The following ANO3 variants were observed in gnomAD, a reference collection of about 807,000 sequenced individuals.
ANO3 encodes the protein anoctamin 3.
ANO3 carries 99 observed loss-of-function variants against 144.8 expected under a neutral mutation model. The observed-to-expected ratio is 0.68, with a 90% confidence interval of 0.58 to 0.81. ANO3 has a LOEUF of 0.81. ANO3 is among the 30% of genes least tolerant of loss of function. The pLI, the probability that ANO3 is intolerant of heterozygous loss-of-function variation, is 0.00. For synonymous variants in ANO3, 414 were observed against 392.6 expected (o/e 1.05, Z -0.64); for missense variants, 905 against 1,202.2 (o/e 0.75, Z 3.66).
chr11:26,587,772 C>T lies in ANO3; in HGVS notation c.1448-10593C>T, dbSNP rs140081310. On this transcript the variant is annotated intron_variant, in intron 14 of 26. Transcript: ENST00000256737. ...AGGAGTTCAAAACCAGACTGGACAA[C>T]TTGGTGAAACCCTGTCTCAACTAAA... 6.6e-5 allele frequency among the ~76,000 whole-genome samples: 10 copies of T among 152,126 alleles called. No homozygotes were observed. In the East Asian group the frequency reaches 1.7e-3, roughly 27 times the overall value.
intron 3 of ANO3, among the ~76,000 whole-genome samples, chr11:26,451,500 G>A (rs890919314): frequency 5.9e-5 from 9 of 152,180 alleles, no homozygotes; most frequent in African/African-American, 2.2e-4. Flanking sequence ...AGCAGTCTGA[G>A]ATCAAACTGC....
chr11:26,272,980 C>T (rs1853475709), intron 1 of ANO3, among the ~76,000 whole-genome samples: 1 of 152,048 alleles, frequency 6.6e-6, no homozygotes, highest in African/African-American at 2.4e-5. Context: ...TATCAAGCAC[C>T]TTGGAAGCAT....
chr11:26,196,808 CAGAATA>C (rs1376322013), intron 1 of ANO3, among the ~76,000 whole-genome samples: 2 of 152,100 alleles, frequency 1.3e-5, no homozygotes, highest in Admixed American at 6.6e-5. Context: ...AAAAGGTGAG[CAGAATA>C]AGAATTAGTG....
intron 1 of ANO3, among the ~76,000 whole-genome samples, chr11:26,233,778 T>A (rs1852454118): frequency 6.6e-6 from 1 of 152,202 alleles, no homozygotes; most frequent in South Asian, 2.1e-4. Flanking sequence ...AAGAATGAGT[T>A]CATGTCCTTT....
At chr11:26,587,249 C>T (rs909611953) in intron 14 of ANO3, among the ~76,000 whole-genome samples, 1 of 152,120 alleles carries the variant, frequency 6.6e-6, no homozygotes, top group African/African-American at 2.4e-5. Context: ...TTTATTTCAT[C>T]ATGTATGATT....
At chr11:26,541,410 G>C (rs425702) in intron 10 of ANO3, among the ~76,000 whole-genome samples, 1 of 151,984 alleles carries the variant, frequency 6.6e-6, no homozygotes, top group Non-Finnish European at 1.5e-5. Flanking sequence ...AAACTTGCAC[G>C]TTCTGCACAT....
chr11:26,339,155 T>TC (rs1352765130), intron 1 of ANO3, among the ~76,000 whole-genome samples: 1 of 151,816 alleles, frequency 6.6e-6, no homozygotes, highest in African/African-American at 2.4e-5. Context: ...AAGTCCACTT[T>TC]TTTTTTTTTT....
intron 1 of ANO3, among the ~76,000 whole-genome samples, chr11:26,433,506 A>G (rs543435016): frequency 1.1e-4 from 17 of 152,242 alleles, no homozygotes; most frequent in African/African-American, 3.9e-4. Flanking sequence ...GCTTTTGCCA[A>G]TTCAGTATGG....
chr11:26,522,855 CAG>C (rs1188557568), intron 6 of ANO3, among the ~76,000 whole-genome samples: 1 of 151,554 alleles, frequency 6.6e-6, no homozygotes, highest in Non-Finnish European at 1.5e-5. Flanking sequence ...TTTATAAAGA[CAG>C]AGGGAAATCT....
intron 4 of ANO3, among the ~76,000 whole-genome samples, chr11:26,479,469 C>G (rs908505763): frequency 6.6e-6 from 1 of 152,064 alleles, no homozygotes; most frequent in African/African-American, 2.4e-5. Context: ...GCCTCATAAT[C>G]ACGGAAGGCA....
intron 1 of ANO3, among the ~76,000 whole-genome samples, chr11:26,290,800 T>C (rs985213490): frequency 2.0e-5 from 3 of 152,220 alleles, no homozygotes; most frequent in East Asian, 1.9e-4. Context: ...TCTGTTCTTT[T>C]ACATTTGGTG....
At chr11:26,440,764 A>C (rs1590360962) in intron 1 of ANO3, among the ~76,000 whole-genome samples, 3 of 152,170 alleles carry the variant, frequency 2.0e-5, no homozygotes, top group African/African-American at 7.2e-5. Flanking sequence ...AAATCTAAGG[A>C]GGATATTAAG....
At chr11:26,615,031 A>G (rs985799508) in intron 17 of ANO3, among the ~76,000 whole-genome samples, 1 of 151,526 alleles carries the variant, frequency 6.6e-6, no homozygotes, top group East Asian at 1.9e-4. Flanking sequence ...CTATAAAAAG[A>G]ATATAACTTT....
chr11:26,585,974 T>A (rs1266929685), intron 14 of ANO3, among the ~76,000 whole-genome samples: 2 of 152,190 alleles, frequency 1.3e-5, no homozygotes, highest in African/African-American at 4.8e-5. Context: ...TAATTGGAAG[T>A]CAAAACAAAA....
At chr11:26,263,296 C>A (rs536217750) in intron 1 of ANO3, among the ~76,000 whole-genome samples, 1 of 152,162 alleles carries the variant, frequency 6.6e-6, no homozygotes, top group South Asian at 2.1e-4. Flanking sequence ...AGGAACTAGT[C>A]GAAGACTAGA....
chr11:26,537,342 G>C, intron 9 of ANO3, 64 bp from the exon 10 acceptor site: 2 of 1,290,138 alleles, frequency 1.6e-6, no homozygotes, highest in Non-Finnish European at 2.3e-6. Flanking sequence ...GTATATTTCT[G>C]TTGCTTCAGA....
chr11:26,242,825 C>G lies in ANO3; in HGVS notation c.154+53495C>G, dbSNP rs375080574. 7.9e-5 allele frequency among the ~76,000 whole-genome samples: 12 copies of G among 152,044 alleles called. No individual in the cohort carries two copies. In the East Asian group the frequency reaches 2.1e-3, roughly 27 times the overall value. On this transcript the variant is annotated intron_variant, in intron 1 of 27. Coordinates refer to the ANO3 transcript ENST00000672621. ...AAGAGTAAATACAAAGCCCTTAGCT[C>G]AATGTGAGCATCAATGAAATGGTAA...
At chr11:26,620,459 T>G (rs527559098) in intron 17 of ANO3, among the ~76,000 whole-genome samples, 1 of 151,516 alleles carries the variant, frequency 6.6e-6, no homozygotes, top group South Asian at 2.1e-4. Flanking sequence ...AAAATCAAAT[T>G]TTATAAATAT....
chr11:26,221,717 A>ACC (rs61227685), intron 1 of ANO3, among the ~76,000 whole-genome samples: 16,765 of 152,156 alleles, frequency 0.11, 1,890 homozygotes, highest in African/African-American at 0.29. Flanking sequence ...TCAGAAGGTG[A>ACC]TGCAAGAGCA....
Sources: allele counts gnomAD v4.1 joint callset (sites outside exome capture counted in the v4.1 genomes callset), GRCh38; gene constraint gnomAD v4.1.1; transcripts MANE v1.5; gene names NCBI Gene and HGNC (gene_info 2026-07-23, HGNC 2026-07-21).